Variants in NYAP2 observed in about 807,000 individuals in gnomAD.
NYAP2 encodes the protein neuronal tyrosine-phosphorylated phosphoinositide-3-kinase adaptor 2.
Under a neutral mutation model 50.4 loss-of-function variants are expected in NYAP2, and 23 were observed. The observed-to-expected ratio is 0.46, with a 90% CI of 0.33 to 0.65. The LOEUF (loss-of-function observed/expected upper bound fraction) is 0.65. Ranked by LOEUF, NYAP2 falls within the 30% of genes least tolerant of loss-of-function variation. The pLI is 0.02. For synonymous variants in NYAP2, 394 were observed against 365.2 expected, an observed-to-expected ratio of 1.08 and a Z score of -0.90; for missense variants, 885 against 861.0, an observed-to-expected ratio of 1.03 and a Z score of -0.35.
chr2:225,627,415 A>G (rs763174408), intron 6 of NYAP2, among the ~76,000 whole-genome samples: 1 of 152,242 alleles, frequency 6.6e-6, no homozygotes, highest in African/African-American at 2.4e-5. Context: ...CTTCAAAAAT[A>G]TCTAGAGGCC....
In NYAP2 at chr2:225,582,146, C is replaced by A; in HGVS notation, c.729C>A (p.Pro243=). 2 of 1,613,950 alleles carry A rather than the reference C, an allele frequency of 1.2e-6. No individual in the cohort carries two copies. The highest frequency in any genetic ancestry group is 2.2e-5 in the South Asian group (2 of 91,078). The change falls in exon 5 of 7, where the codon CCC becomes CCA. Residue 243 remains proline (P), a synonymous_variant. Transcript: ENST00000636099. The surrounding 1 kb of genome is among the most constrained non-coding windows in gnomAD (Gnocchi z 7.0). ...CGGGAGACCCCGAGGAAGAGGAGCCCGTGTACATCGAGATGGTGGGGAACA... is the reference window on the plus strand; with the variant it reads ...CGGGAGACCCCGAGGAAGAGGAGCCAGTGTACATCGAGATGGTGGGGAACA...
chr2:225,446,911 C>T (rs2106145001), intron 3 of NYAP2, among the ~76,000 whole-genome samples: 1 of 152,138 alleles, frequency 6.6e-6, no homozygotes, highest in South Asian at 2.1e-4. Flanking sequence ...ATGTTCTAGT[C>T]CCACAGGACA....
intron 4 of NYAP2, among the ~76,000 whole-genome samples, chr2:225,533,415 G>A (rs902746411): frequency 3.3e-5 from 5 of 152,128 alleles, no homozygotes; most frequent in African/African-American, 4.8e-5. Context: ...AGCTGGGTGC[G>A]GTGGCTCATG....
intron 4 of NYAP2, among the ~76,000 whole-genome samples, chr2:225,561,762 G>T (rs7589161): frequency 6.6e-6 from 1 of 151,932 alleles, no homozygotes; most frequent in South Asian, 2.1e-4. Context: ...TTAATAAAAT[G>T]ATTCTTTTTT....
Position 225,505,856 on chromosome 2 carries a change from C to A in NYAP2, c.222-7515C>A, listed in dbSNP as rs72974574. On this transcript the variant is annotated intron_variant, in intron 3 of 6. Transcript: ENST00000636099. The stretch of plus-strand genomic sequence containing the variant: ...CCAGGTCTTCCTCAAGGCCTGGAGA[C>A]CTGGTCCCACTTATTTTCATTCACA... 3.3e-5 allele frequency among the ~76,000 whole-genome samples: 5 copies of A among 152,278 alleles called. No individual in the cohort carries two copies. The East Asian group carries it at 9.7e-4, about 29-fold the overall frequency.
At chr2:225,566,123 C>T (rs1691956674) in intron 4 of NYAP2, among the ~76,000 whole-genome samples, 1 of 152,124 alleles carries the variant, frequency 6.6e-6, no homozygotes, top group Admixed American at 6.6e-5. Context: ...GTAAGGATTA[C>T]ATGAAATAAT....
At chr2:225,678,777 G>GCATGGAAGCA in the NYAP2 span, among the ~76,000 whole-genome samples, 1 of 152,170 alleles carries the variant, frequency 6.6e-6, no homozygotes, top group African/African-American at 2.4e-5. Flanking sequence ...CCATGAAGCA[G>GCATGGAAGCA]TGAGAATGGA....
At chr2:225,468,181 G>T (rs1032311622) in intron 3 of NYAP2, among the ~76,000 whole-genome samples, 1 of 152,138 alleles carries the variant, frequency 6.6e-6, no homozygotes, top group Admixed American at 6.6e-5. Context: ...ATGTAGTCAA[G>T]TTAAGATGAG....
intron 4 of NYAP2, among the ~76,000 whole-genome samples, chr2:225,546,940 C>A (rs1229385242): frequency 6.6e-6 from 1 of 152,144 alleles, no homozygotes; most frequent in East Asian, 1.9e-4. Context: ...TCGTTCAAAG[C>A]AGTGGGTTTT....
chr2:225,494,552 T>C (rs1222729829), intron 3 of NYAP2, among the ~76,000 whole-genome samples: 1 of 152,192 alleles, frequency 6.6e-6, no homozygotes, highest in African/African-American at 2.4e-5. Context: ...AGATACCAGA[T>C]ATCAAGATAA....
At chr2:225,540,031 G>C (rs775828303) in intron 4 of NYAP2, among the ~76,000 whole-genome samples, 7 of 152,150 alleles carry the variant, frequency 4.6e-5, no homozygotes, top group Non-Finnish European at 1.0e-4. Context: ...CATCACTTTT[G>C]CTCCAGTTCC....
chr2:225,625,158 G>C (rs1693188305), intron 5 of NYAP2, among the ~76,000 whole-genome samples: 2 of 147,220 alleles, frequency 1.4e-5, no homozygotes, highest in South Asian at 4.3e-4. Flanking sequence ...TTTACAACTT[G>C]TGATTATTAG....
At chr2:225,588,945 T>C (rs1692440167) in intron 5 of NYAP2, among the ~76,000 whole-genome samples, 1 of 152,070 alleles carries the variant, frequency 6.6e-6, no homozygotes, top group Non-Finnish European at 1.5e-5. Flanking sequence ...TATTATATCA[T>C]TTAAATTCAC....
At chr2:225,548,291 C>T (rs1691618160) in intron 4 of NYAP2, among the ~76,000 whole-genome samples, 1 of 148,454 alleles carries the variant, frequency 6.7e-6, no homozygotes, top group African/African-American at 2.5e-5. Context: ...GTTATTTTTC[C>T]TTAACTCTTA....
chr2:225,648,890 T>G (rs1693682784), intron 6 of NYAP2, among the ~76,000 whole-genome samples: 2 of 152,148 alleles, frequency 1.3e-5, no homozygotes, highest in Non-Finnish European at 2.9e-5. Context: ...CTGCTGATGT[T>G]CTTAAGAGAG....
chr2:225,636,678 T>C (rs1693423138), intron 6 of NYAP2, among the ~76,000 whole-genome samples: 1 of 152,196 alleles, frequency 6.6e-6, no homozygotes, highest in Non-Finnish European at 1.5e-5. Flanking sequence ...GAGTCTTGCA[T>C]TGACCAATAG....
At chr2:225,606,579 A>G (rs970514943) in intron 5 of NYAP2, among the ~76,000 whole-genome samples, 10 of 152,082 alleles carry the variant, frequency 6.6e-5, no homozygotes, top group Non-Finnish European at 1.2e-4. Context: ...TTTCTATCCT[A>G]TTGTTCAAAG....
intron 4 of NYAP2, among the ~76,000 whole-genome samples, chr2:225,553,758 C>G (rs1417016347): frequency 6.6e-6 from 1 of 152,126 alleles, no homozygotes; most frequent in Non-Finnish European, 1.5e-5. Context: ...CAAAAAGAGT[C>G]TGGGTGCATG....
the NYAP2 span, among the ~76,000 whole-genome samples, chr2:225,687,084 T>G: frequency 6.6e-6 from 1 of 152,156 alleles, no homozygotes; most frequent in African/African-American, 2.4e-5. Context: ...TAATACTGAG[T>G]GCAGTTTTTA....
Sources: gnomAD v4.1 joint callset for allele counts (sites outside exome capture counted in the v4.1 genomes callset) on GRCh38, gnomAD v4.1.1 for gene constraint, Gnocchi (gnomAD v3.1) non-coding constraint, MANE v1.5 for transcripts, NCBI Gene and HGNC (gene_info 2026-07-23, HGNC 2026-07-21) for gene names.